The following ITCH variants were observed in gnomAD, a reference collection of about 807,000 sequenced individuals.
The protein encoded by ITCH is itchy E3 ubiquitin protein ligase, also known as E3 ubiquitin-protein ligase Itchy homolog.
Under a neutral mutation model 126.8 loss-of-function variants are expected in ITCH, and 28 were observed. The observed-to-expected ratio is 0.22, with a 90% CI of 0.16 to 0.30. The LOEUF is 0.30. ITCH is among the 10% of genes least tolerant of loss of function. The pLI is 1.00. For missense variants in ITCH, 631 were observed against 1,032.4 expected, an observed-to-expected ratio of 0.61 and a Z score of 5.33; for synonymous variants, 342 against 340.0, an observed-to-expected ratio of 1.01 and a Z score of -0.06.
intron 6 of ITCH, among the ~76,000 whole-genome samples, chr20:34,416,577 A>G (rs1979887329): frequency 1.3e-5 from 2 of 152,178 alleles, no homozygotes; most frequent in Non-Finnish European, 2.9e-5. Flanking sequence ...ACTGTGGGTA[A>G]TTAAAACCAT....
intron 23 of ITCH, among the ~76,000 whole-genome samples, chr20:34,503,105 T>A (rs1323578915): frequency 6.6e-6 from 1 of 152,240 alleles, no homozygotes; most frequent in African/African-American, 2.4e-5. Flanking sequence ...CTGTGTTTTT[T>A]TATAACGTTT....
At chr20:34,414,487 A>G (rs1390674893) in intron 6 of ITCH, among the ~76,000 whole-genome samples, 1 of 112,244 alleles carries the variant, frequency 8.9e-6, no homozygotes, top group Non-Finnish European at 1.8e-5. Context: ...TTTTTTTAAG[A>G]CGGAGTTTTG....
chr20:34,482,970 C>T (rs555971499), intron 20 of ITCH, among the ~76,000 whole-genome samples: 38 of 152,298 alleles, frequency 2.5e-4, no homozygotes, highest in African/African-American at 8.9e-4. Context: ...CTCAACAGCA[C>T]GTGGAAGCTG....
Position 34,507,676 on chromosome 20 carries a change from T to C in ITCH, c.2490-19T>C, listed in dbSNP as rs781570929. 5 of 1,597,512 alleles carry C rather than the reference T, an allele frequency of 3.1e-6. No homozygotes were observed. The East Asian group carries it at 8.9e-5, about 29-fold the overall frequency. ...CTTTGCATATTTCCTTTTCTCAAAC[T>C]AACAATTCTTGCTTTTAGTTTTAAT... On this transcript the variant is annotated intron_variant, in intron 24 of 24. Coordinates refer to ENST00000374864, the MANE Select transcript of ITCH (RefSeq NM_031483.7).
At chr20:34,428,614 C>T (rs1314860359) in intron 7 of ITCH, among the ~76,000 whole-genome samples, 4 of 152,152 alleles carry the variant, frequency 2.6e-5, no homozygotes, top group East Asian at 1.9e-4. Flanking sequence ...GACAGGCTCT[C>T]GCTCTGTTGC....
At chr20:34,447,975 G>C (rs1205669505) in intron 11 of ITCH, among the ~76,000 whole-genome samples, 3 of 152,160 alleles carry the variant, frequency 2.0e-5, no homozygotes, top group Non-Finnish European at 4.4e-5. Flanking sequence ...GTAACGTAAG[G>C]ACTTTGTTTG....
intron 2 of ITCH, among the ~76,000 whole-genome samples, chr20:34,387,320 T>A (rs1217380634): frequency 1.3e-5 from 2 of 149,120 alleles, no homozygotes; most frequent in African/African-American, 4.9e-5. Context: ...AAAAAAAAAA[T>A]TTATAAAGTG....
At chr20:34,471,827 T>G (rs1034900825) in intron 16 of ITCH, among the ~76,000 whole-genome samples, 1 of 150,972 alleles carries the variant, frequency 6.6e-6, no homozygotes, top group Non-Finnish European at 1.5e-5. Flanking sequence ...CTGGTATGAT[T>G]TGAAATAAAT....
rs1473682132 is a variant in ITCH at position 34,497,748 on chromosome 20, T to G, written c.2416+5151T>G. ...CATATGCCACCACACCCAGCCACTT[T>G]CTGTATTTTTAGTAGAGATGGCATT... On this transcript the variant is annotated intron_variant, in intron 23 of 24. Transcript: ENST00000374864. 2.0e-5 allele frequency among the ~76,000 whole-genome samples: 3 copies of G among 152,326 alleles called. No individual in the cohort carries two copies. The East Asian group carries it at 5.8e-4, about 29-fold the overall frequency.
chr20:34,479,551 CTGAGAACT>C lies in ITCH; in HGVS notation c.1659-77_1659-70del, dbSNP rs1404623253. On this transcript the variant is annotated intron_variant, in intron 17 of 24. Transcript: ENST00000374864. ...ATCACTAGCTGAGGGGTATAGATCC[CTGAGAACT>C]TTATAGCACTGTTCTTTGATTTCTT... 37 of 1,217,608 alleles carry C rather than the reference CTGAGAACT, an allele frequency of 3.0e-5. No homozygotes were observed. The East Asian group carries it at 8.5e-4, about 28-fold the overall frequency. The allele number at this position is 1,217,608 out of a possible 1,614,324, so 75.4% of individuals were successfully genotyped here.
At chr20:34,396,032 A>T (rs868736466) in intron 3 of ITCH, among the ~76,000 whole-genome samples, 5 of 144,624 alleles carry the variant, frequency 3.5e-5, no homozygotes, top group African/African-American at 8.1e-5. Context: ...TATTATTATT[A>T]TTATTTTTTT....
intron 2 of ITCH, among the ~76,000 whole-genome samples, chr20:34,384,901 A>G (rs2038216152): frequency 6.6e-6 from 1 of 151,930 alleles, no homozygotes; most frequent in African/African-American, 2.4e-5. Context: ...TGACCTCGTG[A>G]TCCACCTGCC....
chr20:34,375,803 C>T (rs1370266809), intron 2 of ITCH, among the ~76,000 whole-genome samples: 5 of 129,840 alleles, frequency 3.9e-5, no homozygotes, highest in African/African-American at 8.8e-5. Flanking sequence ...GCTTGAGCCT[C>T]GGAGTTTGAG....
At chr20:34,477,729 C>A (rs1429544790) in intron 16 of ITCH, 43 bp from the exon 17 acceptor site, 1 of 1,585,064 alleles carries the variant, frequency 6.3e-7, no homozygotes, top group Admixed American at 1.7e-5. Context: ...GACAGTGTTT[C>A]AATAGCTTTT....
Position 34,401,594 on chromosome 20 carries a change from A to C in ITCH, c.71-7057A>C, listed in dbSNP as rs186559010. The C allele has an allele frequency of 5.2e-6, 5 of 961,610 alleles. No homozygotes were observed. In the Admixed American group the frequency reaches 3.1e-4, roughly 59 times the overall value. 59.6% of individuals were successfully genotyped at this position (961,610 alleles called of 1,614,324 possible). On this transcript the variant is annotated intron_variant, in intron 3 of 24. Transcript: ENST00000374864. Reference sequence around the variant, plus strand: ...GAGTATGTTATTAAATGAGGCATTTACTATACTCCTTCCTAAAAGCCCCAG... The same window carrying C: ...GAGTATGTTATTAAATGAGGCATTTCCTATACTCCTTCCTAAAAGCCCCAG...
At chr20:34,431,060 G>A (rs1286438334) in intron 7 of ITCH, among the ~76,000 whole-genome samples, 2 of 152,070 alleles carry the variant, frequency 1.3e-5, no homozygotes, top group East Asian at 1.9e-4. Flanking sequence ...CAGCAGTATC[G>A]TTCATAGAAC....
At chr20:34,387,807 C>G (rs1052880904) in intron 2 of ITCH, among the ~76,000 whole-genome samples, 2 of 151,886 alleles carry the variant, frequency 1.3e-5, no homozygotes, top group East Asian at 3.9e-4. Flanking sequence ...TGGGTTCAAG[C>G]GGTTCTCTTG....
At chr20:34,474,928 C>T (rs897111545) in intron 16 of ITCH, among the ~76,000 whole-genome samples, 2 of 151,630 alleles carry the variant, frequency 1.3e-5, no homozygotes, top group African/African-American at 4.9e-5. Flanking sequence ...AGGGTCTCCT[C>T]ACTTCTCAGA....
rs575963388 is a variant in ITCH at position 34,433,355 on chromosome 20, G to C, written c.522-5119G>C. Among the ~76,000 whole-genome samples, 5 of 152,284 alleles carry C rather than the reference G, an allele frequency of 3.3e-5. No individual in the cohort carries two copies. The South Asian group carries it at 1.0e-3, about 32-fold the overall frequency. On this transcript the variant is annotated intron_variant, in intron 7 of 24. Coordinates refer to ENST00000374864, the MANE Select transcript of ITCH (RefSeq NM_031483.7). ...TCAAAATATTTGCATGTTTTGACTT[G>C]GTTGTTCTATTCTGCAGTCTGTCTA...
Sources: allele counts gnomAD v4.1 joint callset (sites outside exome capture counted in the v4.1 genomes callset), GRCh38; gene constraint gnomAD v4.1.1; transcripts MANE v1.5; gene names NCBI Gene and HGNC (gene_info 2026-07-23, HGNC 2026-07-21).